Variants in DLG1 observed in about 807,000 individuals in gnomAD.
DLG1 encodes disks large homolog 1.
In DLG1, 42 loss-of-function variants were observed where a neutral mutation model predicts 123.4. That is an observed-to-expected ratio of 0.34 (90% CI 0.27 to 0.44). The LOEUF (loss-of-function observed/expected upper bound fraction) is 0.44, where lower values mean the gene tolerates loss of function less well. Ranked by LOEUF, DLG1 falls within the 20% of genes least tolerant of loss-of-function variation. DLG1 has a pLI of 1.00. For synonymous variants in DLG1, 317 were observed against 356.2 expected (o/e 0.89, Z 1.24); for missense variants, 942 against 1,082.6 (o/e 0.87, Z 1.82).
chr3:197,261,197 C>CTTT (rs1213623826), intron 4 of DLG1, among the ~76,000 whole-genome samples: 11 of 152,200 alleles, frequency 7.2e-5, no homozygotes, highest in African/African-American at 2.7e-4. Context: ...GCTAGATAGG[C>CTTT]TAACAGACAC....
chr3:197,078,943 T>C (rs546399167), intron 17 of DLG1, among the ~76,000 whole-genome samples: 18 of 152,164 alleles, frequency 1.2e-4, no homozygotes, highest in Non-Finnish European at 1.9e-4. Context: ...TTAGCCAAAA[T>C]GAGATATCAT....
chr3:197,290,440 T>C (rs570436455), intron 3 of DLG1, among the ~76,000 whole-genome samples: 22 of 152,138 alleles, frequency 1.4e-4, no homozygotes, highest in African/African-American at 4.1e-4. Flanking sequence ...ACAATGACTA[T>C]AGGATACAGA....
chr3:197,063,245 T>C (rs1275550334), intron 22 of DLG1, among the ~76,000 whole-genome samples: 4 of 152,054 alleles, frequency 2.6e-5, no homozygotes, highest in Non-Finnish European at 5.9e-5. Flanking sequence ...TTATGTATCA[T>C]TTTGCTTTTC....
At chr3:197,234,232 C>T (rs1265217068) in intron 4 of DLG1, among the ~76,000 whole-genome samples, 4 of 152,188 alleles carry the variant, frequency 2.6e-5, no homozygotes, top group African/African-American at 9.7e-5. Flanking sequence ...TTTTAACGAG[C>T]TCCCTGTCCA....
chr3:197,099,346 A>G (rs1762264837), intron 14 of DLG1, among the ~76,000 whole-genome samples: 1 of 152,056 alleles, frequency 6.6e-6, no homozygotes, highest in Admixed American at 6.6e-5. Flanking sequence ...CACTACACCT[A>G]TTTTCTTAAA....
At chr3:197,288,751 C>CATACATACAT (rs1773334799) in intron 3 of DLG1, among the ~76,000 whole-genome samples, 1 of 101,024 alleles carries the variant, frequency 9.9e-6, no homozygotes, top group African/African-American at 3.0e-5. Flanking sequence ...AAAATACATA[C>CATACATACAT]ATACATACAT....
intron 4 of DLG1, among the ~76,000 whole-genome samples, chr3:197,203,497 GC>G (rs1184852044): frequency 6.6e-6 from 1 of 151,720 alleles, no homozygotes; most frequent in African/African-American, 2.4e-5. Flanking sequence ...ATTATAAGAT[GC>G]CCCAGTAATT....
chr3:197,058,916 T>C (rs991961481), intron 23 of DLG1, among the ~76,000 whole-genome samples: 1 of 152,216 alleles, frequency 6.6e-6, no homozygotes. Context: ...TATTTTACTT[T>C]TATGAAATGT....
chr3:197,119,673 A>T lies in DLG1; in HGVS notation c.1166-143T>A, dbSNP rs1037435339. The T allele has an allele frequency of 9.7e-6, 8 of 822,964 alleles. No individual in the cohort carries two copies. In the African/African-American group the frequency reaches 1.2e-4, roughly 13 times the overall value. The allele number at this position is 822,964 out of a possible 1,614,324, so 51.0% of individuals were successfully genotyped here. On this transcript the variant is annotated intron_variant, in intron 11 of 24. Transcript: ENST00000667157. ...AGAAGATTTACTCATCAGCCAAAAA[A>T]CTGGACATTATGTTGCCCAGGTTAG...
intron 3 of DLG1, among the ~76,000 whole-genome samples, chr3:197,283,391 A>G (rs1378335074): frequency 6.6e-6 from 1 of 152,214 alleles, no homozygotes; most frequent in East Asian, 1.9e-4. Flanking sequence ...AAATCAAAGA[A>G]CTAGAAGGGC....
chr3:197,169,887 T>A (rs193140086), intron 5 of DLG1, among the ~76,000 whole-genome samples: 1 of 152,262 alleles, frequency 6.6e-6, no homozygotes, highest in Admixed American at 6.5e-5. Flanking sequence ...CATTTAGTTA[T>A]TTTTCCGGAT....
At chr3:197,140,399 G>T in intron 7 of DLG1, 135 bp from the exon 8 acceptor site, 2 of 821,462 alleles carry the variant, frequency 2.4e-6, no homozygotes, top group Non-Finnish European at 3.6e-6. Context: ...GTAATATAAA[G>T]ATTCTAAATT....
chr3:197,122,410 T>C (rs1776903254), intron 11 of DLG1, among the ~76,000 whole-genome samples: 2 of 152,044 alleles, frequency 1.3e-5, no homozygotes, highest in South Asian at 4.1e-4. Context: ...GTGATATTTA[T>C]TATCACCATT....
At chr3:197,157,158 GA>G (rs902729893) in intron 5 of DLG1, among the ~76,000 whole-genome samples, 32 of 152,128 alleles carry the variant, frequency 2.1e-4, no homozygotes, top group African/African-American at 6.8e-4. Context: ...ACCACTAGCT[GA>G]ATAGTTGAAG....
chr3:197,191,719 GTTC>G (rs1211987722), intron 5 of DLG1, among the ~76,000 whole-genome samples: 18 of 152,156 alleles, frequency 1.2e-4, no homozygotes, highest in Admixed American at 1.0e-3. Context: ...CCGTGCTGAG[GTTC>G]TTATGTTGTC....
At chr3:197,243,494 A>G (rs1322840259) in intron 4 of DLG1, among the ~76,000 whole-genome samples, 2 of 152,210 alleles carry the variant, frequency 1.3e-5, no homozygotes, top group African/African-American at 4.8e-5. Context: ...TTGTTAAACT[A>G]GGGTGGAAAA....
chr3:197,135,336 G>T (rs770208228), intron 10 of DLG1, among the ~76,000 whole-genome samples: 3 of 152,160 alleles, frequency 2.0e-5, no homozygotes, highest in Non-Finnish European at 2.9e-5. Context: ...CACGGAGGTG[G>T]CTCCCCATGA....
At chr3:197,262,791 A>G (rs1474161354) in intron 4 of DLG1, among the ~76,000 whole-genome samples, 1 of 152,234 alleles carries the variant, frequency 6.6e-6, no homozygotes, top group Admixed American at 6.5e-5. Context: ...ACCTCCTCAC[A>G]CATCTAGTCA....
chr3:197,238,650 CTGGA>C (rs1747278965), intron 4 of DLG1, among the ~76,000 whole-genome samples: 1 of 152,112 alleles, frequency 6.6e-6, no homozygotes, highest in Non-Finnish European at 1.5e-5. Flanking sequence ...CCAGCTACAA[CTGGA>C]TGAAGTCAGA....
Sources: allele counts gnomAD v4.1 joint callset (sites outside exome capture counted in the v4.1 genomes callset), GRCh38; gene constraint gnomAD v4.1.1; transcripts MANE v1.5; gene names NCBI Gene and HGNC (gene_info 2026-07-23, HGNC 2026-07-21).